SOCS7: variants seen among roughly 807,000 people sequenced by gnomAD.
The protein encoded by SOCS7 is suppressor of cytokine signaling 7.
SOCS7 carries 18 observed loss-of-function variants against 58.9 expected under a neutral mutation model. The observed-to-expected ratio is 0.31, with a 90% CI of 0.21 to 0.45. SOCS7 has a LOEUF of 0.45. Ranked by LOEUF, SOCS7 falls within the 20% of genes least tolerant of loss-of-function variation. The pLI is 1.00. For synonymous variants in SOCS7, 388 were observed against 364.3 expected, an observed-to-expected ratio of 1.06 and a Z score of -0.74; for missense variants, 667 against 837.3, an observed-to-expected ratio of 0.80 and a Z score of 2.51.
chr17:38,370,365 G>A (rs950341520), intron 6 of SOCS7, among the ~76,000 whole-genome samples: 2 of 151,908 alleles, frequency 1.3e-5, no homozygotes, highest in Middle Eastern at 6.8e-3. Flanking sequence ...TTTGAGACGG[G>A]GTCTCACCCT....
At chr17:38,385,829 A>C (rs1287320204) in intron 7 of SOCS7, among the ~76,000 whole-genome samples, 1 of 152,152 alleles carries the variant, frequency 6.6e-6, no homozygotes, top group African/African-American at 2.4e-5. Context: ...GTTGGAGTTT[A>C]GCATGTTGTC....
In SOCS7 at chr17:38,365,594, T is replaced by C. The variant is rs587664942; in HGVS notation, c.1252+185T>C. 8 of 448,060 alleles carry C rather than the reference T, an allele frequency of 1.8e-5. No homozygotes were observed. In the East Asian group the frequency reaches 2.8e-4, roughly 16 times the overall value. The allele number at this position is 448,060 out of a possible 1,614,324, so 27.8% of individuals were successfully genotyped here. A position where few individuals can be genotyped will look rare whatever the true frequency, so the allele number is the denominator to read the frequency against. Reference sequence around the variant, plus strand: ...GAGAACTGGTTTTCCTAACCCGTTTTCTTTATGGAGGTCAATCTGATTTTT... The same window carrying C: ...GAGAACTGGTTTTCCTAACCCGTTTCCTTTATGGAGGTCAATCTGATTTTT... On this transcript the variant is annotated intron_variant, in intron 4 of 9. Coordinates refer to ENST00000612932, the MANE Select transcript of SOCS7 (RefSeq NM_014598.4).
Position 38,395,437 on chromosome 17 carries a change from C to T in SOCS7, c.1810C>T (p.Leu604=), listed in dbSNP as rs1440194447. 1 of 1,613,950 alleles carries T rather than the reference C, an allele frequency of 6.2e-7. No individual in the cohort carries two copies. The highest frequency in any genetic ancestry group is 8.5e-7 in the Non-Finnish European group (1 of 1,179,848). ...VRIDHIPDLP[L]PKPLISYIRK... is the part of the protein sequence containing the mutation. ...GATAGATCACATCCCAGATCTCCCA[C>T]TGCCTAAGTACAATGGGGTTGTCAG... Residue 604 remains leucine (L), a synonymous_variant, in exon 8 of 10, where the codon CTG becomes TTG. Transcript: ENST00000612932.
chr17:38,387,082 T>TAAAAAA (rs1214323571), intron 7 of SOCS7, among the ~76,000 whole-genome samples: 19 of 48,666 alleles, frequency 3.9e-4, no homozygotes, highest in African/African-American at 5.6e-4. Context: ...ACTCTTATCT[T>TAAAAAA]AAAAAAAAAA....
intron 6 of SOCS7, among the ~76,000 whole-genome samples, chr17:38,371,356 G>A (rs1044614093): frequency 2.0e-5 from 3 of 151,282 alleles, no homozygotes; most frequent in East Asian, 2.0e-4. Flanking sequence ...CTCACTGCAA[G>A]CTCTGCCTTT....
intron 6 of SOCS7, among the ~76,000 whole-genome samples, chr17:38,375,517 G>T (rs897847879): frequency 6.6e-6 from 1 of 152,040 alleles, no homozygotes; most frequent in Non-Finnish European, 1.5e-5. Context: ...TTAATTGTAA[G>T]AATACAGTAT....
chr17:38,371,475 G>T (rs1258400188), intron 6 of SOCS7, among the ~76,000 whole-genome samples: 5 of 151,436 alleles, frequency 3.3e-5, no homozygotes, highest in Middle Eastern at 6.8e-3. Context: ...TCACCATGTT[G>T]GCCAGGTTGG....
At chr17:38,398,817 G>T (rs1169577595) in intron 9 of SOCS7, among the ~76,000 whole-genome samples, 1 of 152,166 alleles carries the variant, frequency 6.6e-6, no homozygotes, top group Non-Finnish European at 1.5e-5. Flanking sequence ...CTCTGGCCAG[G>T]TGTGATGGTT....
intron 7 of SOCS7, among the ~76,000 whole-genome samples, chr17:38,387,555 C>T (rs1344875056): frequency 4.5e-5 from 6 of 133,336 alleles, no homozygotes; most frequent in East Asian, 2.1e-4. Context: ...TATATATATA[C>T]ACAATACATA....
intron 1 of SOCS7, among the ~76,000 whole-genome samples, chr17:38,356,373 T>TC (rs996976706): frequency 6.6e-6 from 1 of 151,144 alleles, no homozygotes; most frequent in Non-Finnish European, 1.5e-5. Flanking sequence ...AGAGCCAGAC[T>TC]CCATCTTTTT....
chr17:38,392,282 G>C (rs2038181969), intron 7 of SOCS7, among the ~76,000 whole-genome samples: 1 of 152,176 alleles, frequency 6.6e-6, no homozygotes, highest in Non-Finnish European at 1.5e-5. Context: ...AGTATATGTG[G>C]TCATTAAAAT....
Position 38,352,473 on chromosome 17 carries a change from G to A in SOCS7, c.421G>A (p.Gly141Ser), listed in dbSNP as rs969466783. 7 of 1,515,510 alleles carry A rather than the reference G, an allele frequency of 4.6e-6. No individual in the cohort carries two copies. The Admixed American group carries it at 1.5e-4, about 33-fold the overall frequency. The allele number at this position is 1,515,510 out of a possible 1,614,324, so 93.9% of individuals were successfully genotyped here. A position where few individuals can be genotyped will look rare whatever the true frequency, so the allele number is the denominator to read the frequency against. The change falls in exon 1 of 10, where the codon GGT (glycine) becomes AGT (serine). Residue 141 changes from glycine (G) to serine (S), a missense_variant. Coordinates refer to ENST00000612932, the MANE Select transcript of SOCS7 (RefSeq NM_014598.4). This position sits in a 1 kb window ranked among gnomAD's most constrained non-coding sequence, Gnocchi z 5.5. ...QPAGPGVKTVGGGCCPCPCPP... is the reference protein window; with the variant it reads ...QPAGPGVKTVSGGCCPCPCPP... ...GGCGGGGCCGGGGGTCAAGACAGTC[G>A]GTGGGGGTTGCTGCCCGTGTCCGTG...
intron 2 of SOCS7, 73 bp downstream of exon 2, chr17:38,361,848 C>A (rs770957993): frequency 1.9e-6 from 2 of 1,055,816 alleles, no homozygotes; most frequent in Non-Finnish European, 2.8e-6. Context: ...GAAACACTTA[C>A]AGATGCATCA....
intron 1 of SOCS7, among the ~76,000 whole-genome samples, 154 bp downstream of exon 1, chr17:38,353,186 C>T (rs867835577): frequency 6.6e-6 from 1 of 152,218 alleles, no homozygotes; most frequent in Non-Finnish European, 1.5e-5. Context: ...CGCATAAGGT[C>T]AGCGCTAATT....
intron 2 of SOCS7, among the ~76,000 whole-genome samples, chr17:38,362,890 C>T (rs1555567775): frequency 6.6e-6 from 1 of 152,166 alleles, no homozygotes; most frequent in Non-Finnish European, 1.5e-5. Flanking sequence ...GTGAGCAGAT[C>T]ATCTGAGGTC....
At chr17:38,371,167 G>T (rs1029674041) in intron 6 of SOCS7, among the ~76,000 whole-genome samples, 4 of 152,122 alleles carry the variant, frequency 2.6e-5, no homozygotes, top group Admixed American at 6.6e-5. Context: ...AGGTTGGAGG[G>T]CAGTGCCACG....
chr17:38,352,699 T>G lies in SOCS7; in HGVS notation c.647T>G (p.Leu216Arg), dbSNP rs2037571963. Residue 216 changes from leucine (L) to arginine (R), a missense_variant, in exon 1 of 10, where the codon CTG becomes CGG. Coordinates refer to ENST00000612932, the MANE Select transcript of SOCS7 (RefSeq NM_014598.4). This position sits in a 1 kb window ranked among gnomAD's most constrained non-coding sequence, Gnocchi z 5.5. ...RGGGGGGRLLLQPPGPELPPV... is the reference protein window; with the variant it reads ...RGGGGGGRLLRQPPGPELPPV... ...GGAGGAGGGGGCGGCCGGCTTCTGC[T>G]GCAGCCCCCAGGCCCTGAATTACCT... The G allele has an allele frequency of 6.5e-7, 1 of 1,549,788 alleles. No homozygotes were observed. The highest frequency in any genetic ancestry group is 1.4e-5 in the African/African-American group (1 of 73,042).
chr17:38,384,918 C>T (rs556780898), intron 7 of SOCS7, among the ~76,000 whole-genome samples: 4 of 74,084 alleles, frequency 5.4e-5, no homozygotes, highest in South Asian at 3.9e-4. Context: ...TTTTTTTTGA[C>T]GGAGTTTTGC....
At chr17:38,386,689 A>G (rs1431760087) in intron 7 of SOCS7, among the ~76,000 whole-genome samples, 1 of 152,188 alleles carries the variant, frequency 6.6e-6, no homozygotes, top group Non-Finnish European at 1.5e-5. Context: ...TACCAAATTC[A>G]TATAGAAAAA....
Sources: gnomAD v4.1 joint callset for allele counts (sites outside exome capture counted in the v4.1 genomes callset) on GRCh38, gnomAD v4.1.1 for gene constraint, Gnocchi (gnomAD v3.1) non-coding constraint, MANE v1.5 for transcripts, NCBI Gene and HGNC (gene_info 2026-07-23, HGNC 2026-07-21) for gene names.